P3H2: variants seen among roughly 807,000 people sequenced by gnomAD.
The protein encoded by P3H2 is leprecan-like 1.
P3H2 carries 80 observed loss-of-function variants against 87.0 expected under a neutral mutation model. That is an observed-to-expected ratio of 0.92 (90% CI 0.77 to 1.11). The LOEUF (loss-of-function observed/expected upper bound fraction) is 1.11, where lower values mean the gene tolerates loss of function less well. Ranked by LOEUF, P3H2 falls within the 50% of genes least tolerant of loss-of-function variation. The pLI is 0.00. For synonymous variants in P3H2, 367 were observed against 359.3 expected (o/e 1.02, Z -0.24); for missense variants, 1,001 against 923.9 (o/e 1.08, Z -1.08).
chr3:190,039,277 A>G (rs1368232090), intron 1 of P3H2, among the ~76,000 whole-genome samples: 1 of 152,204 alleles, frequency 6.6e-6, no homozygotes, highest in Non-Finnish European at 1.5e-5. Context: ...TAATAGTAAC[A>G]GAATCCCCCA....
intron 1 of P3H2, among the ~76,000 whole-genome samples, chr3:190,023,802 A>C (rs928370273): frequency 1.3e-5 from 2 of 152,224 alleles, no homozygotes; most frequent in African/African-American, 2.4e-5. Context: ...TTTGCTATGA[A>C]GGCCAAATAT....
At chr3:190,045,853 G>C (rs1374581824) in intron 1 of P3H2, among the ~76,000 whole-genome samples, 3 of 152,076 alleles carry the variant, frequency 2.0e-5, no homozygotes, top group Admixed American at 6.5e-5. Flanking sequence ...CGGGCACGGT[G>C]GCTCACACCT....
chr3:190,001,768 C>T (rs895814780), intron 1 of P3H2, among the ~76,000 whole-genome samples: 2 of 152,130 alleles, frequency 1.3e-5, no homozygotes, highest in Non-Finnish European at 2.9e-5. Flanking sequence ...TATACATACA[C>T]ATGTCACAAG....
intron 1 of P3H2, among the ~76,000 whole-genome samples, chr3:190,058,491 G>C (rs1006806796): frequency 1.3e-5 from 2 of 152,160 alleles, no homozygotes; most frequent in Admixed American, 1.3e-4. Flanking sequence ...AAATGGAATG[G>C]GGAGTAAATG....
chr3:190,110,368 T>G (rs1260005641), intron 1 of P3H2, among the ~76,000 whole-genome samples: 4 of 152,144 alleles, frequency 2.6e-5, no homozygotes, highest in African/African-American at 9.7e-5. Flanking sequence ...GAATTATTCA[T>G]CCCAGAATAT....
In P3H2 at chr3:190,049,239, G is replaced by A. The variant is rs113352562; in HGVS notation, c.481-53797C>T. The stretch of plus-strand genomic sequence containing the variant: ...AGGAAAGAGAAACACACATATGTGA[G>A]GCACTACCTAACATTTCAATAGACA... On this transcript the variant is annotated intron_variant, in intron 1 of 14. Coordinates refer to ENST00000319332, the MANE Select transcript of P3H2 (RefSeq NM_018192.4). Among the ~76,000 whole-genome samples the A allele has an allele frequency of 7.0e-3, 1,050 of 150,324 alleles. 11 individuals are homozygous for A. Among genetic ancestry groups the A allele is most frequent in the African/African-American group, 0.025 (1,021 of 40,670 alleles).
At chr3:189,979,969 A>G (rs1723477333) in intron 8 of P3H2, among the ~76,000 whole-genome samples, 1 of 152,106 alleles carries the variant, frequency 6.6e-6, no homozygotes, top group Non-Finnish European at 1.5e-5. Context: ...CTCTTGTCTC[A>G]AAAAATAAAA....
At position 189,972,898 on chromosome 3, in the gene P3H2, T is replaced by C. The variant is rs369003609; in HGVS notation, c.1675A>G (p.Met559Val). ...NSTLYFSYTH[M>V]VCRTALSGQQ... ...CCAGACAGGGCTGTTCGGCAGACCA[T>C]GTGTGTATAGGAAAAATACAGAGTT... The change falls in exon 11 of 15, where the codon ATG becomes GTG. Residue 559 changes from methionine (M) to valine (V), a missense_variant. Coordinates refer to ENST00000319332, the MANE Select transcript of P3H2 (RefSeq NM_018192.4). The C allele has an allele frequency of 1.5e-5, 24 of 1,613,974 alleles. No individual in the cohort carries two copies. The highest frequency in any genetic ancestry group is 2.7e-5 in the African/African-American group (2 of 74,918).
At position 189,956,857 on chromosome 3, in the gene P3H2, C is replaced by T; in HGVS notation, c.*1055G>A. 2.8e-6 allele frequency: 1 copy of T among 359,962 alleles called. No homozygotes were observed. The allele number at this position is 359,962 out of a possible 1,614,324, so 22.3% of individuals were successfully genotyped here. On this transcript the variant is annotated 3_prime_UTR_variant, in exon 15 of 15. Coordinates refer to ENST00000319332, the MANE Select transcript of P3H2 (RefSeq NM_018192.4). Reference sequence around the variant, plus strand: ...TAAAATCAATCAGAAATTTATTTTTCTTATGTAAGTACAAAACACCTCTTT... The same window carrying T: ...TAAAATCAATCAGAAATTTATTTTTTTTATGTAAGTACAAAACACCTCTTT...
intron 8 of P3H2, among the ~76,000 whole-genome samples, chr3:189,975,946 T>A (rs987624092): frequency 1.3e-5 from 2 of 152,240 alleles, no homozygotes; most frequent in Admixed American, 1.3e-4. Context: ...TATGCAATCA[T>A]AAAACTATGT....
At chr3:189,987,495 A>G in intron 5 of P3H2, 32 bp downstream of exon 5, 2 of 1,603,304 alleles carry the variant, frequency 1.2e-6, no homozygotes, top group Non-Finnish European at 1.7e-6. Context: ...AAAAAAAAAA[A>G]AAAGAATTTC....
intron 1 of P3H2, among the ~76,000 whole-genome samples, chr3:190,103,969 T>C (rs953074896): frequency 2.0e-5 from 3 of 152,088 alleles, no homozygotes; most frequent in Non-Finnish European, 4.4e-5. Context: ...TTTTTGTATT[T>C]TTAGTAGAGA....
At chr3:189,963,666 A>C in intron 14 of P3H2, 1 of 379,380 alleles carries the variant, frequency 2.6e-6, no homozygotes, top group Admixed American at 3.7e-5. Flanking sequence ...CTGGTCTCGA[A>C]CTCCCGACCT....
chr3:189,995,556 GT>G (rs1553874169), intron 1 of P3H2, 114 bp from the exon 2 acceptor site: 4,459 of 837,068 alleles, frequency 5.3e-3, no homozygotes, highest in Middle Eastern at 0.01. Context: ...AGGAGCCTTG[GT>G]TTTTTTTTTT....
At chr3:190,090,820 G>A (rs1727387615) in intron 1 of P3H2, among the ~76,000 whole-genome samples, 1 of 152,026 alleles carries the variant, frequency 6.6e-6, no homozygotes, top group African/African-American at 2.4e-5. Context: ...CTTTTTCTTG[G>A]AGAGCCCCAC....
chr3:190,070,840 C>T (rs1404197342), intron 1 of P3H2, among the ~76,000 whole-genome samples: 1 of 152,194 alleles, frequency 6.6e-6, no homozygotes, highest in East Asian at 1.9e-4. Context: ...GCTCACACTT[C>T]ATTAACTCCT....
At chr3:190,015,474 C>A (rs1724722963) in intron 1 of P3H2, among the ~76,000 whole-genome samples, 1 of 152,168 alleles carries the variant, frequency 6.6e-6, no homozygotes, top group Non-Finnish European at 1.5e-5. Context: ...ATAACTGATT[C>A]CAACCCACGG....
chr3:190,036,483 G>A (rs557912882), intron 1 of P3H2, among the ~76,000 whole-genome samples: 2 of 122,638 alleles, frequency 1.6e-5, no homozygotes, highest in Non-Finnish European at 3.4e-5. Context: ...CTTTATAGTC[G>A]ACATGATAAT....
At position 189,956,797 on chromosome 3, in the gene P3H2, G is replaced by A. The variant is rs561764741; in HGVS notation, c.*1115C>T. ...AATCTGTGTGCTGGATAGCAGCAAT[G>A]AGGAGGGGCCCCCAAAATATAAGCA... On this transcript the variant is annotated 3_prime_UTR_variant, in exon 15 of 15. Coordinates refer to ENST00000319332, the MANE Select transcript of P3H2 (RefSeq NM_018192.4). The A allele has an allele frequency of 7.7e-4, 191 of 247,158 alleles. 2 individuals carry two copies. Among genetic ancestry groups the A allele is most frequent in the African/African-American group, 4.1e-3 (183 of 45,138 alleles). The allele number at this position is 247,158 out of a possible 1,614,324, so 15.3% of individuals were successfully genotyped here.
Sources: gnomAD v4.1 joint callset for allele counts (sites outside exome capture counted in the v4.1 genomes callset) on GRCh38, gnomAD v4.1.1 for gene constraint, MANE v1.5 for transcripts, NCBI Gene and HGNC (gene_info 2026-07-23, HGNC 2026-07-21) for gene names.